The following CCNB2 variants were observed in gnomAD, a reference collection of about 807,000 sequenced individuals.
The protein encoded by CCNB2 is G2/mitotic-specific cyclin-B2.
A neutral mutation model predicts 51.1 loss-of-function variants in CCNB2; 39 were observed. That is an observed-to-expected ratio of 0.76 (90% CI 0.59 to 1.00). The LOEUF (loss-of-function observed/expected upper bound fraction) is 1.00, where lower values mean the gene tolerates loss of function less well. Among genes scored for constraint, CCNB2 ranks in the 50% least tolerant of loss-of-function variants. CCNB2 has a pLI of 0.00. For missense variants in CCNB2, 472 were observed against 470.3 expected, an observed-to-expected ratio of 1.00 and a Z score of -0.03; for synonymous variants, 174 against 165.5, an observed-to-expected ratio of 1.05 and a Z score of -0.40.
chr15:59,116,999 G>C (rs144150396), intron 6 of CCNB2, 73 bp downstream of exon 6: 1 of 1,294,090 alleles, frequency 7.7e-7, no homozygotes, highest in African/African-American at 1.5e-5. Flanking sequence ...CCTAATTTAA[G>C]GAAAGCTTAT....
At chr15:59,124,404 T>C in intron 8 of CCNB2, 1 of 256,186 alleles carries the variant, frequency 3.9e-6, no homozygotes, top group Non-Finnish European at 7.5e-6. Context: ...TTATTGTCTT[T>C]TAATTGTTCC....
At chr15:59,108,841 T>C (rs920271778) in intron 3 of CCNB2, among the ~76,000 whole-genome samples, 4 of 152,190 alleles carry the variant, frequency 2.6e-5, no homozygotes, top group African/African-American at 7.2e-5. Context: ...CTTTGCTCTT[T>C]ATGAGAACTA....
chr15:59,112,014 G>A (rs1277949507), intron 3 of CCNB2, among the ~76,000 whole-genome samples: 1 of 151,890 alleles, frequency 6.6e-6, no homozygotes, highest in Non-Finnish European at 1.5e-5. Context: ...ACCATGCCTG[G>A]CTAATTTTTG....
intron 3 of CCNB2, 131 bp from the exon 4 acceptor site, chr15:59,114,313 T>C (rs149760635): frequency 5.0e-4 from 313 of 629,302 alleles, no homozygotes; most frequent in African/African-American, 4.3e-3. Flanking sequence ...ATTATTCACC[T>C]CTTGGTATGA....
intron 7 of CCNB2, among the ~76,000 whole-genome samples, chr15:59,123,268 G>T (rs1486878): frequency 6.6e-6 from 1 of 151,878 alleles, no homozygotes; most frequent in African/African-American, 2.4e-5. Flanking sequence ...TTGAAAGATC[G>T]TATGGGACCT....
chr15:59,121,354 A>T (rs35168204), intron 7 of CCNB2: 1 of 152,006 alleles, frequency 6.6e-6, no homozygotes, highest in Admixed American at 6.6e-5. Flanking sequence ...TCACTGGTAC[A>T]TGGTACCAAT....
In CCNB2 at chr15:59,112,252, A is replaced by G. The variant is rs1233250444; in HGVS notation, c.268-2192A>G. 2.6e-5 allele frequency among the ~76,000 whole-genome samples: 4 copies of G among 152,074 alleles called. No individual in the cohort carries two copies. The South Asian group carries it at 6.2e-4, about 24-fold the overall frequency. Reference sequence around the variant, plus strand: ...GACCTTTGATTTAAGAGGGGAGGACATGTTTTAAACTGTTTTTTTGTTTTG... The same window carrying G: ...GACCTTTGATTTAAGAGGGGAGGACGTGTTTTAAACTGTTTTTTTGTTTTG... On this transcript the variant is annotated intron_variant, in intron 3 of 8. Coordinates refer to ENST00000288207, the MANE Select transcript of CCNB2 (RefSeq NM_004701.4).
chr15:59,121,609 A>G (rs1167391423), intron 7 of CCNB2: 1 of 152,230 alleles, frequency 6.6e-6, no homozygotes, highest in Non-Finnish European at 1.5e-5. Flanking sequence ...CCAGCTGGGC[A>G]ACATGGCGAA....
intron 7 of CCNB2, among the ~76,000 whole-genome samples, chr15:59,120,493 C>T (rs777888574): frequency 4.0e-4 from 61 of 152,050 alleles, no homozygotes; most frequent in Non-Finnish European, 7.2e-4. Flanking sequence ...TAGGAACTGG[C>T]TTGAAAGGAC....
At chr15:59,122,391 A>G (rs1356547612) in intron 7 of CCNB2, among the ~76,000 whole-genome samples, 1 of 150,808 alleles carries the variant, frequency 6.6e-6, no homozygotes, top group Non-Finnish European at 1.5e-5. Flanking sequence ...TGCCCGGGGA[A>G]TTTATGTATT....
intron 3 of CCNB2, among the ~76,000 whole-genome samples, chr15:59,109,437 C>G (rs2079249337): frequency 1.3e-5 from 2 of 152,096 alleles, no homozygotes; most frequent in Non-Finnish European, 2.9e-5. Context: ...ATGAGTGTCT[C>G]TTATAGAGTA....
chr15:59,110,302 CAGGGTTGA>C, intron 3 of CCNB2, among the ~76,000 whole-genome samples: 1 of 152,168 alleles, frequency 6.6e-6, no homozygotes, highest in Non-Finnish European at 1.5e-5. Context: ...AAATCAATTC[CAGGGTTGA>C]AACATATAGC....
chr15:59,123,051 TTA>T (rs1317527108), intron 7 of CCNB2, among the ~76,000 whole-genome samples: 1 of 152,152 alleles, frequency 6.6e-6, no homozygotes, highest in African/African-American at 2.4e-5. Context: ...GTAGCACAGT[TTA>T]TTTCTTATTT....
At chr15:59,119,165 T>C (rs892546247) in intron 7 of CCNB2, among the ~76,000 whole-genome samples, 2 of 152,188 alleles carry the variant, frequency 1.3e-5, no homozygotes, top group Non-Finnish European at 2.9e-5. Flanking sequence ...ATGCAAACTT[T>C]AAATTGTAAT....
At chr15:59,123,257 T>C (rs2079310956) in intron 7 of CCNB2, among the ~76,000 whole-genome samples, 1 of 152,188 alleles carries the variant, frequency 6.6e-6, no homozygotes, top group South Asian at 2.1e-4. Context: ...GTGCAACGTC[T>C]TTGAAAGATC....
intron 3 of CCNB2, among the ~76,000 whole-genome samples, chr15:59,112,151 C>G (rs1171913555): frequency 2.0e-5 from 3 of 152,108 alleles, no homozygotes; most frequent in Middle Eastern, 3.4e-3. Flanking sequence ...CGCACTTGGC[C>G]TGGGTTCTCA....
At position 59,125,026 on chromosome 15, in the gene CCNB2, G is replaced by A; in HGVS notation, c.*149G>A. On this transcript the variant is annotated 3_prime_UTR_variant, in exon 9 of 9. Transcript: ENST00000288207. Reference sequence around the variant, plus strand: ...AACATATATTGAGGAAAAATAAAGCGATTGGTTTTTCTTAAGGTATCCCAT... The same window carrying A: ...AACATATATTGAGGAAAAATAAAGCAATTGGTTTTTCTTAAGGTATCCCAT... 1 of 487,732 alleles carries A rather than the reference G, an allele frequency of 2.1e-6. No individual in the cohort carries two copies. The highest frequency in any genetic ancestry group is 3.6e-6 in the Non-Finnish European group (1 of 276,500). 30.2% of individuals were successfully genotyped at this position (487,732 alleles called of 1,614,324 possible). A position where few individuals can be genotyped will look rare whatever the true frequency, so the allele number is the denominator to read the frequency against.
intron 3 of CCNB2, among the ~76,000 whole-genome samples, chr15:59,110,181 T>C (rs570795529): frequency 6.6e-6 from 1 of 152,280 alleles, no homozygotes; most frequent in African/African-American, 2.4e-5. Context: ...AACTTCATCC[T>C]TTTTGTGTTT....
At chr15:59,124,704 G>C (rs2079317703) in intron 8 of CCNB2, 63 bp from the exon 9 acceptor site, 2 of 1,098,966 alleles carry the variant, frequency 1.8e-6, no homozygotes, top group East Asian at 4.7e-5. Flanking sequence ...TTGTGAGTTA[G>C]ACTAGGAATA....
Sources: gnomAD v4.1 joint callset for allele counts (sites outside exome capture counted in the v4.1 genomes callset) on GRCh38, gnomAD v4.1.1 for gene constraint, MANE v1.5 for transcripts, NCBI Gene and HGNC (gene_info 2026-07-23, HGNC 2026-07-21) for gene names.